The following MAPK6 variants were observed in gnomAD, a reference collection of about 807,000 sequenced individuals.
The protein encoded by MAPK6 is mitogen-activated protein kinase 6.
In MAPK6, 19 loss-of-function variants were observed where a neutral mutation model predicts 59.3. The ratio of observed to expected loss-of-function variants is 0.32; its 90% CI spans 0.22 to 0.47. The LOEUF is 0.47. Ranked by LOEUF, MAPK6 falls within the 20% of genes least tolerant of loss-of-function variation. MAPK6 has a pLI of 1.00. For synonymous variants in MAPK6, 316 were observed against 290.3 expected (o/e 1.09, Z -0.90); for missense variants, 724 against 847.9 (o/e 0.85, Z 1.81).
At position 52,013,107 on chromosome 15, in the gene MAPK6, C is replaced by G. The variant is rs80236955; in HGVS notation, c.-632+8705C>G. On this transcript the variant is annotated intron_variant, in intron 3 of 7. Coordinates refer to the MAPK6 transcript ENST00000691380. ...AAATCTGTATTGCTTTTCTAGAGAA[C>G]TCTCTCAAGATTCCCTGTCATGCAC... is the stretch of plus-strand genomic sequence containing the variant. Among the ~76,000 whole-genome samples the G allele has an allele frequency of 3.1e-3, 421 of 136,212 alleles. 2 individuals are homozygous for G. Among genetic ancestry groups the G allele is most frequent in the African/African-American group, 0.01 (376 of 36,282 alleles). 89.4% of individuals were successfully genotyped at this position (136,212 alleles called of 152,430 possible). A position where few individuals can be genotyped will look rare whatever the true frequency, so the allele number is the denominator to read the frequency against.
intron 1 of MAPK6, among the ~76,000 whole-genome samples, chr15:52,024,402 CT>C (rs1197373755): frequency 0.012 from 1,647 of 139,166 alleles, 25 homozygotes; most frequent in African/African-American, 0.035. Context: ...TTTTCTTTTT[CT>C]TTTTTTTTTT....
intron 3 of MAPK6, among the ~76,000 whole-genome samples, chr15:52,009,489 A>C (rs1477529104): frequency 6.6e-6 from 1 of 152,214 alleles, no homozygotes; most frequent in East Asian, 1.9e-4. Context: ...TTCTCTTAAA[A>C]TGTGTGTGTT....
In MAPK6 at chr15:52,032,154, G is replaced by A. The variant is rs543413976; in HGVS notation, c.-632+12778G>A. On this transcript the variant is annotated intron_variant, in intron 1 of 5. Transcript: ENST00000261845. ...CTCCCAAAGTGCTGGGATTACAGGCGTGAGCCACCGTGCCCAGCCCAACAA... is the reference window on the plus strand; with the variant it reads ...CTCCCAAAGTGCTGGGATTACAGGCATGAGCCACCGTGCCCAGCCCAACAA... Among the ~76,000 whole-genome samples, 131 of 149,702 alleles carry A rather than the reference G, an allele frequency of 8.8e-4. 1 individual carries two copies. The highest frequency in any genetic ancestry group is 1.6e-3 in the Non-Finnish European group (107 of 67,718).
intron 5 of MAPK6, among the ~76,000 whole-genome samples, chr15:52,061,760 A>G (rs1375708731): frequency 6.6e-6 from 1 of 152,188 alleles, no homozygotes; most frequent in Non-Finnish European, 1.5e-5. Context: ...GCAATAGAGC[A>G]AGACTCCATC....
rs1007655288 is a variant in MAPK6 at position 52,060,249 on chromosome 15, T to C, written c.866-1050T>C. Among the ~76,000 whole-genome samples the C allele has an allele frequency of 2.6e-5, 4 of 152,250 alleles. No individual in the cohort carries two copies. In the South Asian group the frequency reaches 8.3e-4, roughly 32 times the overall value. ...AAAGATGCTGTGTCTTAAAATTATC[T>C]TTCTAAAGAAAAGAAAAGGGTTCTT... On this transcript the variant is annotated intron_variant, in intron 4 of 5. Transcript: ENST00000261845.
rs532136636 is a variant in MAPK6 at position 51,983,819 on chromosome 15, AAAT to A, written c.-770+513_-770+515del. On this transcript the variant is annotated intron_variant, in intron 2 of 7. Coordinates refer to the MAPK6 transcript ENST00000691380. ...AAGATTTTAATAATAATTATTACTA[AAAT>A]AATAATAAGACAGCCTTTTGAAAGG... 5.3e-5 allele frequency among the ~76,000 whole-genome samples: 8 copies of A among 152,230 alleles called. No individual in the cohort carries two copies. In the South Asian group the frequency reaches 1.4e-3, roughly 28 times the overall value.
At chr15:52,010,513 C>CTT (rs1566898115) in intron 3 of MAPK6, among the ~76,000 whole-genome samples, 1 of 133,584 alleles carries the variant, frequency 7.5e-6, no homozygotes, top group African/African-American at 3.0e-5. Context: ...TTGCACCCAG[C>CTT]CTTTTTTTTT....
intron 3 of MAPK6, among the ~76,000 whole-genome samples, chr15:52,008,778 G>A (rs1235198167): frequency 6.6e-6 from 1 of 152,204 alleles, no homozygotes; most frequent in Non-Finnish European, 1.5e-5. Flanking sequence ...AGGCCAGGAT[G>A]GGCAGATGAA....
intron 1 of MAPK6, among the ~76,000 whole-genome samples, chr15:52,027,349 CAAAAA>C (rs71130120): frequency 1.4e-4 from 7 of 49,170 alleles, no homozygotes; most frequent in African/African-American, 4.3e-4. Context: ...GACTCCCTCT[CAAAAA>C]AAAAAAAAAA....
At chr15:52,001,691 TAG>T (rs2057242481) in intron 2 of MAPK6, among the ~76,000 whole-genome samples, 1 of 152,146 alleles carries the variant, frequency 6.6e-6, no homozygotes, top group South Asian at 2.1e-4. Flanking sequence ...GTATTTTTAG[TAG>T]AGACAGGGTT....
At chr15:51,979,060 A>G (rs1343464378) in intron 1 of MAPK6, among the ~76,000 whole-genome samples, 1 of 140,796 alleles carries the variant, frequency 7.1e-6, no homozygotes, top group Non-Finnish European at 1.6e-5. Flanking sequence ...GCAGTGAGCC[A>G]TGATCATGCC....
chr15:52,013,267 G>A (rs7177328), intron 3 of MAPK6, among the ~76,000 whole-genome samples: 8,328 of 151,440 alleles, frequency 0.055, 443 homozygotes, highest in African/African-American at 0.13. Context: ...AGGAAGTGGT[G>A]TTTCTTTGTA....
In MAPK6 at chr15:51,985,871, T is replaced by G. The variant is rs1041439966; in HGVS notation, c.-770+2556T>G. On this transcript the variant is annotated intron_variant, in intron 2 of 7. Transcript: ENST00000691380. Reference sequence around the variant, plus strand: ...TACTCGGGAGGCTGAGGCAGGCGAATAGCGTGAACCCAGGAGGCGGAGCTT... The same window carrying G: ...TACTCGGGAGGCTGAGGCAGGCGAAGAGCGTGAACCCAGGAGGCGGAGCTT... 1.3e-4 allele frequency among the ~76,000 whole-genome samples: 20 copies of G among 151,860 alleles called. No individual in the cohort carries two copies. In the East Asian group the frequency reaches 1.7e-3, roughly 13 times the overall value.
intron 1 of MAPK6, chr15:52,033,863 C>G (rs1378692874): frequency 6.7e-6 from 1 of 150,030 alleles, no homozygotes; most frequent in Non-Finnish European, 1.5e-5. Flanking sequence ...AAAACATATT[C>G]TATTGTCTTC....
At chr15:52,028,638 A>G (rs888674655) in intron 1 of MAPK6, among the ~76,000 whole-genome samples, 17 of 152,204 alleles carry the variant, frequency 1.1e-4, no homozygotes, top group African/African-American at 4.1e-4. Context: ...TGGCTGCTCT[A>G]TTGGACAGTG....
At chr15:52,043,741 G>GATTTTTTTTTTTTT (rs2031504252) in intron 1 of MAPK6, among the ~76,000 whole-genome samples, 1 of 55,622 alleles carries the variant, frequency 1.8e-5, no homozygotes, top group Non-Finnish European at 4.0e-5. Flanking sequence ...TAAGTTGTTT[G>GATTTTTTTTTTTTT]ATTTTTTTTT....
upstream of MAPK6, among the ~76,000 whole-genome samples, chr15:52,016,109 A>ACAC (rs2030259664): frequency 2.1e-4 from 10 of 48,416 alleles, no homozygotes; most frequent in Non-Finnish European, 3.4e-4. Flanking sequence ...CACACACACA[A>ACAC]ACTAAAACTG....
In MAPK6 at chr15:52,020,553, G is replaced by A. The variant is rs377462851; in HGVS notation, c.-632+1177G>A. On this transcript the variant is annotated intron_variant, in intron 1 of 5. Transcript: ENST00000261845. Reference sequence around the variant, plus strand: ...GCAGCTTCAGAGTAATTTTCTGATGGCTGATTCTTCTAGCCTGTCTCTTAC... The same window carrying A: ...GCAGCTTCAGAGTAATTTTCTGATGACTGATTCTTCTAGCCTGTCTCTTAC... 5.3e-5 allele frequency among the ~76,000 whole-genome samples: 8 copies of A among 152,186 alleles called. No homozygotes were observed. In the East Asian group the frequency reaches 9.6e-4, roughly 18 times the overall value.
chr15:52,061,313 G>C lies in MAPK6; in HGVS notation c.880G>C (p.Glu294Gln). 2 of 1,613,936 alleles carry C rather than the reference G, an allele frequency of 1.2e-6. No individual in the cohort carries two copies. Among genetic ancestry groups the C allele is most frequent in the Non-Finnish European group, 1.7e-6 (2 of 1,179,906 alleles). Residue 294 changes from glutamate (E) to glutamine (Q), a missense_variant, in exon 5 of 6, where the codon GAA (glutamate) becomes CAA (glutamine). Physicochemically the swap from Glu to Gln is conservative, Grantham distance 29. This residue lies in a region of MAPK6 where 502 missense variants were observed against 507.6 expected (regional missense o/e 0.99). Coordinates refer to ENST00000261845, the MANE Select transcript of MAPK6 (RefSeq NM_002748.4). ...TTCCTCTGCAGCACTGGATTTCCTG[G>C]AACAAATTTTGACATTTAGCCCCAT... Reference protein sequence around the residue: ...GISREALDFLEQILTFSPMDR... With the variant: ...GISREALDFLQQILTFSPMDR...
Sources: gnomAD v4.1 joint callset for allele counts (sites outside exome capture counted in the v4.1 genomes callset) on GRCh38, gnomAD v4.1.1 for gene constraint, gnomAD v4.1.1 regional missense constraint, MANE v1.5 for transcripts, NCBI Gene and HGNC (gene_info 2026-07-23, HGNC 2026-07-21) for gene names.